GSE1: variants seen among roughly 807,000 people sequenced by gnomAD.
GSE1 encodes genetic suppressor element 1.
GSE1 carries 32 observed loss-of-function variants against 112.6 expected under a neutral mutation model. The observed-to-expected ratio is 0.28, with a 90% CI of 0.21 to 0.38. The LOEUF is 0.38. Among genes scored for constraint, GSE1 ranks in the 10% least tolerant of loss-of-function variants. The pLI, the probability that GSE1 is intolerant of heterozygous loss-of-function variation, is 1.00. For missense variants in GSE1, 2,348 were observed against 1,699.2 expected (o/e 1.38, Z -6.71); for synonymous variants, 1,115 against 735.6 (o/e 1.52, Z -8.35).
At chr16:85,568,386 T>C (rs1252279561) in intron 1 of GSE1, among the ~76,000 whole-genome samples, 2 of 152,172 alleles carry the variant, frequency 1.3e-5, no homozygotes, top group African/African-American at 4.8e-5. Context: ...GAGGGTTGTC[T>C]CTGAAAATAA....
At chr16:85,259,515 T>C (rs1907446534) in intron 1 of GSE1, among the ~76,000 whole-genome samples, 1 of 152,176 alleles carries the variant, frequency 6.6e-6, no homozygotes, top group Non-Finnish European at 1.5e-5. Context: ...ACGGCCGGCT[T>C]GTTTTGCCCC....
At chr16:85,436,797 G>A (rs1187058385) in intron 2 of GSE1, among the ~76,000 whole-genome samples, 1 of 152,206 alleles carries the variant, frequency 6.6e-6, no homozygotes, top group African/African-American at 2.4e-5. Context: ...CCCCACGCGC[G>A]CTGCCAGGCT....
chr16:85,399,260 A>G (rs1011653191), intron 2 of GSE1, among the ~76,000 whole-genome samples: 1 of 152,102 alleles, frequency 6.6e-6, no homozygotes, highest in Non-Finnish European at 1.5e-5. Context: ...CACCCATGGT[A>G]GGCTGCCTCG....
intron 1 of GSE1, among the ~76,000 whole-genome samples, chr16:85,204,485 A>G (rs921564341): frequency 2.6e-5 from 4 of 152,238 alleles, no homozygotes; most frequent in African/African-American, 9.6e-5. Context: ...AGGAGCAGAA[A>G]TGCTGGGTCG....
chr16:85,293,519 C>G (rs926659533), intron 1 of GSE1, among the ~76,000 whole-genome samples: 2 of 151,906 alleles, frequency 1.3e-5, no homozygotes, highest in African/African-American at 2.4e-5. Context: ...GCATTCCAGC[C>G]CAGGGGATAG....
chr16:85,549,596 G>T (rs2044832415), intron 2 of GSE1, among the ~76,000 whole-genome samples: 1 of 152,150 alleles, frequency 6.6e-6, no homozygotes, highest in Non-Finnish European at 1.5e-5. Flanking sequence ...CCGTGGGTGG[G>T]GTGTGCCCTG....
intron 2 of GSE1, among the ~76,000 whole-genome samples, chr16:85,483,976 C>T (rs1171172361): frequency 2.6e-5 from 4 of 152,200 alleles, no homozygotes; most frequent in Non-Finnish European, 1.5e-5. Context: ...AGGAAACCTC[C>T]TCAGCGACCC....
At chr16:85,387,659 T>C (rs2047717832) in intron 2 of GSE1, among the ~76,000 whole-genome samples, 1 of 152,244 alleles carries the variant, frequency 6.6e-6, no homozygotes, top group Admixed American at 6.5e-5. Flanking sequence ...GTCTTGTTCA[T>C]TGATTTTCTT....
Position 85,187,017 on chromosome 16 carries a change from A to G in GSE1, c.2283+15210A>G, listed in dbSNP as rs546480331. Among the ~76,000 whole-genome samples, 17 of 152,314 alleles carry G rather than the reference A, an allele frequency of 1.1e-4. No individual in the cohort carries two copies. In the South Asian group the frequency reaches 2.5e-3, roughly 22 times the overall value. ...CTGGATGAGGCCAGCCCTGCTGAGCATGTGCTGGGCCAGCACTGGGGTTGG... is the reference window on the plus strand; with the variant it reads ...CTGGATGAGGCCAGCCCTGCTGAGCGTGTGCTGGGCCAGCACTGGGGTTGG... On this transcript the variant is annotated intron_variant, in intron 1 of 2. Transcript: ENST00000637419.
intron 1 of GSE1, among the ~76,000 whole-genome samples, chr16:85,337,404 C>T (rs1329111996): frequency 1.3e-5 from 2 of 150,648 alleles, no homozygotes; most frequent in African/African-American, 4.9e-5. Context: ...CTCCCGGGTT[C>T]ACGCCATTCT....
At chr16:85,314,956 C>T (rs1338095623) in intron 1 of GSE1, among the ~76,000 whole-genome samples, 1 of 152,216 alleles carries the variant, frequency 6.6e-6, no homozygotes, top group Non-Finnish European at 1.5e-5. Flanking sequence ...ACAGGAACAC[C>T]CAGGATGCTT....
chr16:85,346,563 G>GTAGA (rs1177199826), intron 1 of GSE1, among the ~76,000 whole-genome samples: 1 of 146,720 alleles, frequency 6.8e-6, no homozygotes. Flanking sequence ...TGATGGACAG[G>GTAGA]CGGATGGTGG....
intron 1 of GSE1, among the ~76,000 whole-genome samples, chr16:85,599,990 ACCTGGCAAGGTC>A (rs1182797464): frequency 6.6e-6 from 1 of 151,976 alleles, no homozygotes; most frequent in African/African-American, 2.4e-5. Flanking sequence ...TGTGACGGGG[ACCTGGCAAGGTC>A]CCTCCTGTGT....
chr16:85,334,924 A>G (rs948346024), intron 1 of GSE1, among the ~76,000 whole-genome samples: 2 of 152,170 alleles, frequency 1.3e-5, no homozygotes, highest in Admixed American at 1.3e-4. Context: ...ATCACCAGGG[A>G]GACTTTATCT....
Position 85,173,501 on chromosome 16 carries a change from G to C in GSE1, c.2283+1694G>C, listed in dbSNP as rs183865926. On this transcript the variant is annotated intron_variant, in intron 1 of 2. Transcript: ENST00000637419. ...GTGGGACCCTCGTGTCCTCCACCCT[G>C]GTGCATAGGAGCAAATTCTTCTTGG... is the stretch of plus-strand genomic sequence containing the variant. Among the ~76,000 whole-genome samples the C allele has an allele frequency of 2.3e-3, 349 of 152,276 alleles. 1 individual carries two copies. Among genetic ancestry groups the C allele is most frequent in the Non-Finnish European group, 3.4e-3 (232 of 68,034 alleles).
At chr16:85,544,254 G>A (rs370263088) in intron 2 of GSE1, among the ~76,000 whole-genome samples, 49 of 152,126 alleles carry the variant, frequency 3.2e-4, no homozygotes, top group African/African-American at 1.1e-3. Flanking sequence ...AGAATCATCC[G>A]GCCCCCAGTG....
At chr16:85,579,704 C>T (rs2046371746) in intron 1 of GSE1, among the ~76,000 whole-genome samples, 1 of 152,200 alleles carries the variant, frequency 6.6e-6, no homozygotes, top group Non-Finnish European at 1.5e-5. Context: ...CATCTCAGAT[C>T]CCAGTCCCGG....
rs545077646 is a variant in GSE1 at position 85,291,155 on chromosome 16, C to T, written c.2284-66308C>T. On this transcript the variant is annotated intron_variant, in intron 1 of 2. Transcript: ENST00000637419. ...CATTTTACAGAAGGGGAAACTGAGG[C>T]ATGTAGTGGGTATGTCCCTCACCCA... Among the ~76,000 whole-genome samples, 108 of 152,320 alleles carry T rather than the reference C, an allele frequency of 7.1e-4. 1 individual carries two copies. Among genetic ancestry groups the T allele is most frequent in the Non-Finnish European group, 1.2e-3 (83 of 68,018 alleles).
intron 3 of GSE1, 116 bp from the exon 4 acceptor site, chr16:85,654,161 GT>G: frequency 2.2e-6 from 2 of 929,538 alleles, no homozygotes; most frequent in Non-Finnish European, 3.2e-6. Context: ...GGGAAAGGAT[GT>G]TTCTAGAACA....
Sources: gnomAD v4.1 joint callset for allele counts (sites outside exome capture counted in the v4.1 genomes callset) on GRCh38, gnomAD v4.1.1 for gene constraint, MANE v1.5 for transcripts, NCBI Gene and HGNC (gene_info 2026-07-23, HGNC 2026-07-21) for gene names.